Variants in PCSK5 observed in about 807,000 individuals in gnomAD.
PCSK5 encodes proprotein convertase subtilisin/kexin type 5, also known as prohormone convertase 5.
PCSK5 carries 129 observed loss-of-function variants against 233.2 expected under a neutral mutation model. The observed-to-expected ratio is 0.55, with a 90% CI of 0.48 to 0.64. PCSK5 has a LOEUF of 0.64. Among genes scored for constraint, PCSK5 ranks in the 30% least tolerant of loss-of-function variants. The pLI is 0.00. For synonymous variants in PCSK5, 825 were observed against 879.2 expected, an observed-to-expected ratio of 0.94 and a Z score of 1.09; for missense variants, 2,076 against 2,430.1, an observed-to-expected ratio of 0.85 and a Z score of 3.06.
intron 24 of PCSK5, among the ~76,000 whole-genome samples, chr9:76,280,048 C>G (rs1827819114): frequency 6.6e-6 from 1 of 152,130 alleles, no homozygotes; most frequent in South Asian, 2.1e-4. Context: ...CTGCCACAAG[C>G]CTGTCTCTAC....
intron 2 of PCSK5, among the ~76,000 whole-genome samples, chr9:75,985,681 T>A (rs1826480717): frequency 6.6e-6 from 1 of 152,204 alleles, no homozygotes; most frequent in Non-Finnish European, 1.5e-5. Context: ...ACATATCATC[T>A]ACAGTGCTGC....
Position 76,239,133 on chromosome 9 carries a change from A to G in PCSK5, c.3041A>G (p.Asn1014Ser). ...CMKGYFIAPT[N>S]HTCQKLECGQ... is the part of the protein sequence containing the mutation. ...AAGGGCTACTTCATAGCGCCCACCA[A>G]CCACACATGCCAGAAGTTAGAGTGT... Residue 1014 changes from asparagine to serine, a missense_variant, in exon 23 of 38, where the codon AAC becomes AGC. Transcript: ENST00000674117. 1 of 1,594,138 alleles carries G rather than the reference A, an allele frequency of 6.3e-7. No individual in the cohort carries two copies. The highest frequency in any genetic ancestry group is 8.5e-7 in the Non-Finnish European group (1 of 1,170,696).
intron 5 of PCSK5, among the ~76,000 whole-genome samples, chr9:76,043,008 T>G (rs1272973290): frequency 6.6e-6 from 1 of 152,100 alleles, no homozygotes; most frequent in Non-Finnish European, 1.5e-5. Flanking sequence ...GATTTTCCAT[T>G]GCTAAAGGAT....
intron 15 of PCSK5, among the ~76,000 whole-genome samples, chr9:76,180,939 ATATATT>A (rs1823843133): frequency 6.6e-6 from 1 of 151,776 alleles, no homozygotes; most frequent in Non-Finnish European, 1.5e-5. Context: ...ATAAATTTAA[ATATATT>A]TATATTAATT....
At chr9:75,899,919 G>A (rs930938637) in intron 1 of PCSK5, among the ~76,000 whole-genome samples, 2 of 152,270 alleles carry the variant, frequency 1.3e-5, no homozygotes, top group East Asian at 3.9e-4. Flanking sequence ...TCCTTTAGAT[G>A]GTGTGCAGTA....
At chr9:75,969,631 A>G (rs1263849238) in intron 2 of PCSK5, among the ~76,000 whole-genome samples, 1 of 152,198 alleles carries the variant, frequency 6.6e-6, no homozygotes, top group African/African-American at 2.4e-5. Flanking sequence ...TCTTGGACCA[A>G]TAAAAGAAGC....
intron 5 of PCSK5, among the ~76,000 whole-genome samples, chr9:76,052,777 G>A: frequency 6.6e-6 from 1 of 152,154 alleles, no homozygotes; most frequent in South Asian, 2.1e-4. Flanking sequence ...AGTCTCATCT[G>A]ACACAAAGCT....
chr9:76,329,843 G>T (rs569519573), intron 33 of PCSK5, among the ~76,000 whole-genome samples: 1 of 152,052 alleles, frequency 6.6e-6, no homozygotes, highest in East Asian at 1.9e-4. Flanking sequence ...AGAAAAAAAA[G>T]AAAAGAAAGG....
intron 1 of PCSK5, among the ~76,000 whole-genome samples, chr9:75,916,993 A>G (rs558101466): frequency 1.4e-4 from 22 of 152,028 alleles, no homozygotes; most frequent in Admixed American, 5.9e-4. Flanking sequence ...ACATGGTGAA[A>G]CCCTGTCTGT....
chr9:76,055,256 T>C (rs889806365), intron 5 of PCSK5, among the ~76,000 whole-genome samples: 3 of 152,130 alleles, frequency 2.0e-5, no homozygotes, highest in African/African-American at 7.2e-5. Context: ...TGAACAAGTT[T>C]TCCTGACTCT....
rs1463198739 is a variant in PCSK5 at position 76,338,368 on chromosome 9, C to T, written c.4887C>T (p.Arg1629=). Residue 1629 remains arginine, a synonymous_variant, in exon 35 of 38, where the codon CGC becomes CGT. Transcript: ENST00000674117. The part of the protein sequence containing the change: ...FLLRSKGECH[R]SCPDHYYVEQ... ...TCCGCTCCAAAGGAGAGTGTCATCG[C>T]TCCTGCCCAGACCATTACTATGTAG... The T allele has an allele frequency of 6.2e-7, 1 of 1,612,672 alleles. No individual in the cohort carries two copies. The highest frequency in any genetic ancestry group is 2.2e-5 in the East Asian group (1 of 44,890).
rs34831350 is a variant in PCSK5 at position 75,980,760 on chromosome 9, T to TTCC, written c.298-5372_298-5371insTCC. 2.0e-5 allele frequency among the ~76,000 whole-genome samples: 3 copies of TTCC among 150,442 alleles called. No individual in the cohort carries two copies. The East Asian group carries it at 5.9e-4, about 30-fold the overall frequency. On this transcript the variant is annotated intron_variant, in intron 2 of 37. Coordinates refer to ENST00000674117, the MANE Select transcript of PCSK5 (RefSeq NM_001372043.1). ...CTAAATTCTCTGATTTTTTTTTTTT[T>TTCC]CTCACCAGTTAGCTTTGATGTTTTG...
At chr9:76,077,274 GT>G (rs1351856864) in intron 7 of PCSK5, among the ~76,000 whole-genome samples, 1 of 152,024 alleles carries the variant, frequency 6.6e-6, no homozygotes, top group Admixed American at 6.5e-5. Context: ...CTTACCCCAT[GT>G]CACCCCATCA....
At chr9:76,063,319 CTTTTTTT>C (rs1157596601) in intron 5 of PCSK5, among the ~76,000 whole-genome samples, 36 of 59,714 alleles carry the variant, frequency 6.0e-4, no homozygotes, top group East Asian at 3.8e-3. Flanking sequence ...TTTCTTTTTT[CTTTTTTT>C]TTTTTTTTTT....
At chr9:76,189,334 A>C in intron 19 of PCSK5, 111 bp downstream of exon 19, 1 of 905,314 alleles carries the variant, frequency 1.1e-6, no homozygotes. Flanking sequence ...ACTAGGTTTA[A>C]ACATGTACCT....
intron 3 of PCSK5, among the ~76,000 whole-genome samples, chr9:76,011,608 A>G (rs904645208): frequency 1.3e-5 from 2 of 152,204 alleles, no homozygotes; most frequent in African/African-American, 4.8e-5. Context: ...ATAGCAAATT[A>G]TCATGCTCTT....
chr9:76,327,166 G>A (rs546840471), intron 32 of PCSK5, among the ~76,000 whole-genome samples: 227 of 150,786 alleles, frequency 1.5e-3, no homozygotes, highest in African/African-American at 5.4e-3. Context: ...GAGTGCAGTG[G>A]TGCAATCACA....
At chr9:76,089,831 A>C (rs537789680) in intron 7 of PCSK5, among the ~76,000 whole-genome samples, 1 of 152,352 alleles carries the variant, frequency 6.6e-6, no homozygotes, top group Non-Finnish European at 1.5e-5. Context: ...TTGGTAATCC[A>C]GCATAAAGTG....
At chr9:76,348,199 A>G (rs1393155430) in intron 35 of PCSK5, among the ~76,000 whole-genome samples, 1 of 152,148 alleles carries the variant, frequency 6.6e-6, no homozygotes, top group Non-Finnish European at 1.5e-5. Context: ...ACTTGAGGTT[A>G]GGTGTTCGAG....
Sources: allele counts gnomAD v4.1 joint callset (sites outside exome capture counted in the v4.1 genomes callset), GRCh38; gene constraint gnomAD v4.1.1; transcripts MANE v1.5; gene names NCBI Gene and HGNC (gene_info 2026-07-23, HGNC 2026-07-21).